Variants in PPP4R4 observed in about 807,000 individuals in gnomAD.
PPP4R4 encodes protein phosphatase 4 regulatory subunit 4.
Under a neutral mutation model 121.8 loss-of-function variants are expected in PPP4R4, and 70 were observed. The ratio of observed to expected loss-of-function variants is 0.57; its 90% CI spans 0.47 to 0.70. PPP4R4 has a LOEUF of 0.70. PPP4R4 is among the 30% of genes least tolerant of loss of function. The pLI is 0.00. For synonymous variants in PPP4R4, 348 were observed against 355.7 expected (o/e 0.98, Z 0.24); for missense variants, 875 against 1,033.6 (o/e 0.85, Z 2.10).
chr14:94,219,573 AGC>A (rs1891271904), intron 3 of PPP4R4, among the ~76,000 whole-genome samples: 1 of 152,190 alleles, frequency 6.6e-6, no homozygotes, highest in African/African-American at 2.4e-5. Context: ...TATACTCATG[AGC>A]GTAGATGCAA....
rs555251290 is a variant in PPP4R4 at position 94,218,760 on chromosome 14, A to C, written c.294+10194A>C. ...TGCGCGCGCGCACACACACACACACACCCTCACCCCTAGATACCTCATAAA... is the reference window on the plus strand; with the variant it reads ...TGCGCGCGCGCACACACACACACACCCCCTCACCCCTAGATACCTCATAAA... On this transcript the variant is annotated intron_variant, in intron 3 of 24. Transcript: ENST00000304338. Among the ~76,000 whole-genome samples, 593 of 149,398 alleles carry C rather than the reference A, an allele frequency of 4.0e-3. 4 individuals are homozygous for C. The highest frequency in any genetic ancestry group is 0.014 in the African/African-American group (546 of 40,246).
chr14:94,245,521 C>G (rs1336936611), intron 12 of PPP4R4, 66 bp from the exon 13 acceptor site: 5 of 799,548 alleles, frequency 6.3e-6, no homozygotes, highest in Non-Finnish European at 9.4e-6. Context: ...TAGAAATTGA[C>G]ATGTAGAATT....
intron 2 of PPP4R4, among the ~76,000 whole-genome samples, chr14:94,178,524 G>A (rs1888800966): frequency 1.3e-5 from 2 of 151,734 alleles, no homozygotes; most frequent in Non-Finnish European, 2.9e-5. Context: ...CATTTAGATT[G>A]AATCCAGTAT....
chr14:94,214,388 G>C (rs770150580), intron 3 of PPP4R4, among the ~76,000 whole-genome samples: 1 of 151,746 alleles, frequency 6.6e-6, no homozygotes, highest in African/African-American at 2.4e-5. Flanking sequence ...CTTTTATTTC[G>C]GTGCATGCCC....
intron 11 of PPP4R4, 70 bp from the exon 12 acceptor site, chr14:94,244,565 A>T (rs569163245): frequency 1.6e-4 from 193 of 1,219,146 alleles, no homozygotes; most frequent in Middle Eastern, 8.2e-4. Context: ...ATGTATTTTT[A>T]AAAATTATTA....
chr14:94,262,318 A>C (rs1349864937), intron 19 of PPP4R4, among the ~76,000 whole-genome samples: 1 of 151,942 alleles, frequency 6.6e-6, no homozygotes, highest in Non-Finnish European at 1.5e-5. Context: ...TTAAACTGAC[A>C]AATCTGTTGG....
intron 23 of PPP4R4, among the ~76,000 whole-genome samples, chr14:94,270,662 G>A (rs1379712283): frequency 1.3e-5 from 2 of 152,152 alleles, no homozygotes; most frequent in Non-Finnish European, 2.9e-5. Context: ...GCTCATGCCT[G>A]TAATCCCAGC....
In PPP4R4 at chr14:94,227,803, G is replaced by A. The variant is rs185999057; in HGVS notation, c.295-2784G>A. On this transcript the variant is annotated intron_variant, in intron 3 of 24. Coordinates refer to ENST00000304338, the MANE Select transcript of PPP4R4 (RefSeq NM_058237.2). ...TCACAATTGATTTTAATATTTATTT[G>A]CAAAGTCCTTTCTGTTTCTAAATAA... is the stretch of plus-strand genomic sequence containing the variant. 492 of 986,922 alleles carry A rather than the reference G, an allele frequency of 5.0e-4. 3 individuals are homozygous for A. The African/African-American group carries it at 7.9e-3, about 16-fold the overall frequency. 61.1% of individuals were successfully genotyped at this position (986,922 alleles called of 1,614,324 possible). A position where few individuals can be genotyped will look rare whatever the true frequency, so the allele number is the denominator to read the frequency against.
rs552784180 is a variant in PPP4R4 at position 94,199,381 on chromosome 14, T to C, written c.192-9083T>C. 3.3e-5 allele frequency among the ~76,000 whole-genome samples: 5 copies of C among 152,338 alleles called. No homozygotes were observed. The East Asian group carries it at 9.7e-4, about 29-fold the overall frequency. On this transcript the variant is annotated intron_variant, in intron 2 of 24. Coordinates refer to ENST00000304338, the MANE Select transcript of PPP4R4 (RefSeq NM_058237.2). ...GGCAGGTTGTGGGGCTCTGACCCCA[T>C]GGCAGTGTCTAGAGGTAGATGTTTA...
chr14:94,202,567 AT>A (rs1890247924), intron 2 of PPP4R4, among the ~76,000 whole-genome samples: 1 of 152,146 alleles, frequency 6.6e-6, no homozygotes, highest in Non-Finnish European at 1.5e-5. Flanking sequence ...GTTCCCTTCT[AT>A]TTGTAGTTTG....
Position 94,244,687 on chromosome 14 carries a change from C to A in PPP4R4, c.1319C>A (p.Thr440Lys), listed in dbSNP as rs761650523. Residue 440 changes from threonine to lysine, a missense_variant, in exon 12 of 25, where the codon ACA (threonine) becomes AAA (lysine). By Grantham distance (78) the Thr-to-Lys change is moderately conservative (BLOSUM62 -1). Coordinates refer to ENST00000304338, the MANE Select transcript of PPP4R4 (RefSeq NM_058237.2). Reference sequence around the variant, plus strand: ...TATTTAATACATAAAGAACTAATAACATTATTACAAGATGAATCACTGGAG... The same window carrying A: ...TATTTAATACATAAAGAACTAATAAAATTATTACAAGATGAATCACTGGAG... ...GVYLIHKELI[T>K]LLQDESLEVL... 12 of 1,493,360 alleles carry A rather than the reference C, an allele frequency of 8.0e-6. No individual in the cohort carries two copies. The East Asian group carries it at 3.0e-4, about 37-fold the overall frequency. The allele number at this position is 1,493,360 out of a possible 1,614,324, so 92.5% of individuals were successfully genotyped here.
rs1401453395 is a variant in PPP4R4 at position 94,245,606 on chromosome 14, A to T, written c.1364A>T (p.Asp455Val). The T allele has an allele frequency of 6.3e-7, 1 of 1,592,424 alleles. No homozygotes were observed. The highest frequency in any genetic ancestry group is 1.1e-5 in the South Asian group (1 of 89,426). The change falls in exon 13 of 25, where the codon GAT (aspartate) becomes GTT (valine). Residue 455 changes from aspartate to valine, a missense_variant. Coordinates refer to ENST00000304338, the MANE Select transcript of PPP4R4 (RefSeq NM_058237.2). ...ESLEVLDALI[D>V]HLPEILELMS... ...TAAAAGGTACTAGATGCTCTTATAG[A>T]TCATCTTCCAGAAATCTTGGAACTT...
intron 2 of PPP4R4, among the ~76,000 whole-genome samples, chr14:94,207,690 A>G (rs916200914): frequency 6.6e-6 from 1 of 151,604 alleles, no homozygotes; most frequent in Admixed American, 6.6e-5. Context: ...TTTTTGATAT[A>G]TATATCTATA....
At chr14:94,178,438 T>G (rs1199824535) in intron 2 of PPP4R4, among the ~76,000 whole-genome samples, 1 of 150,720 alleles carries the variant, frequency 6.6e-6, no homozygotes, top group Non-Finnish European at 1.5e-5. Flanking sequence ...TTTTGGAGTA[T>G]TATGTTAAAT....
chr14:94,278,581 C>T (rs1221778778), intron 24 of PPP4R4, 38 bp from the exon 25 acceptor site: 3 of 1,454,546 alleles, frequency 2.1e-6, no homozygotes, highest in Non-Finnish European at 1.9e-6. Context: ...CCTCCTTCCC[C>T]ACCCTCCCTC....
rs553352386 is a variant in PPP4R4, at chr14:94,220,220, C to CATAA, written c.295-10346_295-10343dup. 9.2e-4 allele frequency among the ~76,000 whole-genome samples: 140 copies of CATAA among 152,050 alleles called. 1 individual carries two copies. In the South Asian group the frequency reaches 0.023, roughly 25 times the overall value. The stretch of plus-strand genomic sequence containing the variant: ...TGGGCAGCAGAGCGAGACTCCATCT[C>CATAA]ATAAATAAATAAATAAATAAATAAC... On this transcript the variant is annotated intron_variant, in intron 3 of 24. Transcript: ENST00000304338.
rs1894790791 is a variant in PPP4R4, at chr14:94,278,935, C to T, written c.*292C>T. The T allele has an allele frequency of 4.8e-6, 1 of 208,120 alleles. No individual in the cohort carries two copies. The highest frequency in any genetic ancestry group is 9.5e-6 in the Non-Finnish European group (1 of 104,762). The allele number at this position is 208,120 out of a possible 1,614,324, so 12.9% of individuals were successfully genotyped here. On this transcript the variant is annotated 3_prime_UTR_variant, in exon 25 of 25. Coordinates refer to ENST00000304338, the MANE Select transcript of PPP4R4 (RefSeq NM_058237.2). ...CATCTCTAGGAATGTGCTTTAACCA[C>T]TGCTGCAAAAGAGACAAGTCTGCAT...
intron 3 of PPP4R4, among the ~76,000 whole-genome samples, chr14:94,223,396 TA>T (rs1263349682): frequency 6.6e-6 from 1 of 152,156 alleles, no homozygotes; most frequent in Non-Finnish European, 1.5e-5. Flanking sequence ...TGATTTCAGG[TA>T]CTGGATGATT....
At chr14:94,174,613 G>A (rs1180659256) in intron 1 of PPP4R4, 31 bp downstream of exon 1, 2 of 1,604,322 alleles carry the variant, frequency 1.2e-6, no homozygotes, top group East Asian at 4.5e-5. Flanking sequence ...CTGCCCTCAC[G>A]GCGTCCGGCC....
Sources: allele counts gnomAD v4.1 joint callset (sites outside exome capture counted in the v4.1 genomes callset), GRCh38; gene constraint gnomAD v4.1.1; transcripts MANE v1.5; gene names NCBI Gene and HGNC (gene_info 2026-07-23, HGNC 2026-07-21).